The following WWTR1 variants were observed in gnomAD, a reference collection of about 807,000 sequenced individuals.
The protein encoded by WWTR1 is WW domain containing transcription regulator 1.
WWTR1 carries 13 observed loss-of-function variants against 40.1 expected under a neutral mutation model. The observed-to-expected ratio is 0.32, with a 90% CI of 0.21 to 0.52. The LOEUF (loss-of-function observed/expected upper bound fraction) is 0.52. Among genes scored for constraint, WWTR1 ranks in the 20% least tolerant of loss-of-function variants. The pLI is 0.97. For synonymous variants in WWTR1, 230 were observed against 210.1 expected (o/e 1.09, Z -0.82); for missense variants, 436 against 523.1 (o/e 0.83, Z 1.63).
intron 2 of WWTR1, among the ~76,000 whole-genome samples, chr3:149,596,749 T>A (rs140932041): frequency 0.021 from 3,211 of 152,370 alleles, 55 homozygotes; most frequent in South Asian, 0.055. Context: ...GCTTACTAGC[T>A]GTGTGACTTT....
At position 149,542,472 on chromosome 3, in the gene WWTR1, G is replaced by C; in HGVS notation, c.634C>G (p.Gln212Glu). ...STLSQQNHPT[Q>E]NPPAGLMSMP... is the part of the protein sequence containing the mutation. Reference sequence around the variant, plus strand: ...CTCATGAGCCCTGCGGGTGGGTTCTGAGTGGGGTGGTTCTGCTGGCTCAGG... The same window carrying C: ...CTCATGAGCCCTGCGGGTGGGTTCTCAGTGGGGTGGTTCTGCTGGCTCAGG... The change falls in exon 4 of 7, where the codon CAG becomes GAG. Residue 212 changes from glutamine to glutamate, a missense_variant. Coordinates refer to ENST00000360632, the MANE Select transcript of WWTR1 (RefSeq NM_015472.6). The C allele has an allele frequency of 6.2e-7, 1 of 1,614,074 alleles. No individual in the cohort carries two copies. Among genetic ancestry groups the C allele is most frequent in the Non-Finnish European group, 8.5e-7 (1 of 1,179,950 alleles).
At chr3:149,527,224 G>A (rs940820204) in intron 5 of WWTR1, among the ~76,000 whole-genome samples, 4 of 149,058 alleles carry the variant, frequency 2.7e-5, no homozygotes, top group Non-Finnish European at 4.4e-5. Flanking sequence ...GTGCAATCTC[G>A]GCTCACTGCA....
At chr3:149,645,064 G>C (rs969719717) in intron 2 of WWTR1, among the ~76,000 whole-genome samples, 3 of 151,094 alleles carry the variant, frequency 2.0e-5, no homozygotes, top group Non-Finnish European at 2.9e-5. Context: ...TGTTGGCCAG[G>C]CTGCTCTTTT....
chr3:149,562,896 C>T (rs886686895), intron 3 of WWTR1, among the ~76,000 whole-genome samples: 1 of 152,006 alleles, frequency 6.6e-6, no homozygotes, highest in Non-Finnish European at 1.5e-5. Context: ...GTGATGATCA[C>T]ACACAGGCGG....
intron 2 of WWTR1, among the ~76,000 whole-genome samples, chr3:149,590,371 C>T (rs753559966): frequency 6.6e-6 from 1 of 152,028 alleles, no homozygotes; most frequent in Non-Finnish European, 1.5e-5. Context: ...AAAAATGGGC[C>T]GGGTGCGGTG....
intron 3 of WWTR1, among the ~76,000 whole-genome samples, chr3:149,551,050 C>T (rs1430671909): frequency 6.9e-6 from 1 of 144,688 alleles, no homozygotes; most frequent in African/African-American, 2.6e-5. Context: ...GTAATCCCAG[C>T]ACTTTGGGAG....
chr3:149,581,787 A>C (rs1035391487), intron 2 of WWTR1, among the ~76,000 whole-genome samples: 2 of 152,152 alleles, frequency 1.3e-5, no homozygotes, highest in Non-Finnish European at 2.9e-5. Context: ...AGCCATGTGA[A>C]AGGTCTCCTA....
intron 4 of WWTR1, among the ~76,000 whole-genome samples, chr3:149,541,332 G>A (rs568164420): frequency 1.1e-4 from 17 of 152,286 alleles, no homozygotes; most frequent in Admixed American, 3.3e-4. Context: ...TCTTGTATTC[G>A]TTTTTGAAGT....
intron 2 of WWTR1, among the ~76,000 whole-genome samples, chr3:149,637,318 C>A (rs1560096966): frequency 6.6e-6 from 1 of 151,846 alleles, no homozygotes; most frequent in African/African-American, 2.4e-5. Context: ...CTCTACCTCC[C>A]AGGCTGAAGC....
chr3:149,593,990 G>A (rs1023480157), intron 2 of WWTR1, among the ~76,000 whole-genome samples: 2 of 152,156 alleles, frequency 1.3e-5, no homozygotes, highest in Non-Finnish European at 1.5e-5. Flanking sequence ...TGGAAGGGGC[G>A]CTTTTTGGAG....
chr3:149,560,446 G>C (rs188422572), intron 3 of WWTR1, among the ~76,000 whole-genome samples: 1 of 152,116 alleles, frequency 6.6e-6, no homozygotes, highest in African/African-American at 2.4e-5. Context: ...GCATGGAGCC[G>C]CCCTGAGCAT....
intron 5 of WWTR1, among the ~76,000 whole-genome samples, chr3:149,714,844 A>G (rs1715564368): frequency 6.6e-6 from 1 of 152,070 alleles, no homozygotes. Flanking sequence ...CACACTTCCT[A>G]CCCTCTGAGG....
chr3:149,659,357 C>T (rs67518111), upstream of WWTR1: 2 of 129,288 alleles, frequency 1.5e-5, no homozygotes, highest in Non-Finnish European at 3.2e-5. Flanking sequence ...TTTTGAGTGA[C>T]GTCTCCCTCT....
chr3:149,607,307 A>G (rs1053509317), intron 2 of WWTR1, among the ~76,000 whole-genome samples: 1 of 152,076 alleles, frequency 6.6e-6, no homozygotes, highest in Non-Finnish European at 1.5e-5. Context: ...ACCTTTGAGA[A>G]TTTGACATAG....
intron 2 of WWTR1, among the ~76,000 whole-genome samples, chr3:149,637,087 A>G (rs968582334): frequency 6.6e-6 from 1 of 152,106 alleles, no homozygotes; most frequent in African/African-American, 2.4e-5. Context: ...TCTCTATCAC[A>G]GCAAATAATC....
chr3:149,693,344 T>C (rs1243534511), intron 1 of WWTR1, among the ~76,000 whole-genome samples: 2 of 152,118 alleles, frequency 1.3e-5, no homozygotes, highest in Non-Finnish European at 2.9e-5. Context: ...CACAAATAAA[T>C]GGAAATATAT....
chr3:149,560,342 C>T (rs186091716), intron 3 of WWTR1, among the ~76,000 whole-genome samples: 56 of 152,282 alleles, frequency 3.7e-4, no homozygotes, highest in Non-Finnish European at 7.2e-4. Flanking sequence ...AGAAGACATG[C>T]TGAGGATCCC....
intron 3 of WWTR1, among the ~76,000 whole-genome samples, chr3:149,568,424 A>T (rs115350576): frequency 7.2e-4 from 109 of 151,608 alleles, no homozygotes; most frequent in African/African-American, 2.6e-3. Flanking sequence ...CTCTGCTCAG[A>T]CAGAATCCAA....
chr3:149,585,900 C>T (rs1376441700), intron 2 of WWTR1, among the ~76,000 whole-genome samples: 1 of 152,132 alleles, frequency 6.6e-6, no homozygotes, highest in Non-Finnish European at 1.5e-5. Context: ...TACAGAAATG[C>T]AGGAAGCCTT....
Sources: gnomAD v4.1 joint callset for allele counts (sites outside exome capture counted in the v4.1 genomes callset) on GRCh38, gnomAD v4.1.1 for gene constraint, MANE v1.5 for transcripts, NCBI Gene and HGNC (gene_info 2026-07-23, HGNC 2026-07-21) for gene names.